LCLAT1: variants seen among roughly 807,000 people sequenced by gnomAD.
The protein encoded by LCLAT1 is 1-AGP acyltransferase 8.
Under a neutral mutation model 30.7 loss-of-function variants are expected in LCLAT1, and 11 were observed. The ratio of observed to expected loss-of-function variants is 0.36; its 90% CI spans 0.23 to 0.59. The LOEUF is 0.59. Ranked by LOEUF, LCLAT1 falls within the 20% of genes least tolerant of loss-of-function variation. The probability of loss-of-function intolerance (pLI) is 0.77; values close to 1 mark genes in which losing one functional copy is unlikely to be tolerated. For synonymous variants in LCLAT1, 155 were observed against 151.3 expected, an observed-to-expected ratio of 1.02 and a Z score of -0.18; for missense variants, 402 against 458.6, an observed-to-expected ratio of 0.88 and a Z score of 1.13.
chr2:30,620,246 C>A (rs1285959406), intron 5 of LCLAT1, among the ~76,000 whole-genome samples: 1 of 152,120 alleles, frequency 6.6e-6, no homozygotes, highest in Admixed American at 6.5e-5. Context: ...GTGGCCTTTC[C>A]AGCCCCTGTA....
Position 30,562,267 on chromosome 2 carries a change from A to T in LCLAT1, c.486A>T (p.Ile162=), listed in dbSNP as rs769177174. The T allele has an allele frequency of 3.7e-6, 6 of 1,612,138 alleles. No homozygotes were observed. In the South Asian group the frequency reaches 4.4e-5, roughly 12 times the overall value. Reference sequence around the variant, plus strand: ...TTCACGAACCACTTCAACTCCTCATATTCCCAGAAGGGACTGATCTCACAG... The same window carrying T: ...TTCACGAACCACTTCAACTCCTCATTTTCCCAGAAGGGACTGATCTCACAG... The part of the protein sequence containing the change: ...CDIHEPLQLL[I]FPEGTDLTEN... Residue 162 remains isoleucine, a synonymous_variant, in exon 4 of 6, where the codon ATA becomes ATT. Transcript: ENST00000379509.
intron 5 of LCLAT1, among the ~76,000 whole-genome samples, chr2:30,590,281 C>T (rs908365251): frequency 6.6e-6 from 1 of 150,790 alleles, no homozygotes; most frequent in Admixed American, 6.6e-5. Flanking sequence ...ATTTAAACTT[C>T]CATCATTGAC....
intron 1 of LCLAT1, among the ~76,000 whole-genome samples, chr2:30,492,280 T>G (rs895711678): frequency 1.3e-5 from 2 of 152,138 alleles, no homozygotes; most frequent in Non-Finnish European, 2.9e-5. Context: ...GAAGGAGACT[T>G]TTCTGAACTG....
At chr2:30,528,954 C>T (rs1298415708) in intron 2 of LCLAT1, among the ~76,000 whole-genome samples, 2 of 152,076 alleles carry the variant, frequency 1.3e-5, no homozygotes, top group Non-Finnish European at 2.9e-5. Flanking sequence ...CAGAGAAGAA[C>T]CATCAAGGGT....
rs1686062202 is a variant in LCLAT1, at chr2:30,533,159, G to A, written c.209G>A (p.Gly70Glu). The A allele has an allele frequency of 6.2e-7, 1 of 1,613,836 alleles. No individual in the cohort carries two copies. Among genetic ancestry groups the A allele is most frequent in the Admixed American group, 1.7e-5 (1 of 59,990 alleles). Residue 70 changes from glycine to glutamate, a missense_variant, in exon 3 of 6, where the codon GGG becomes GAG. Gly to Glu is a moderately conservative substitution (Grantham distance 98). Coordinates refer to ENST00000379509, the MANE Select transcript of LCLAT1 (RefSeq NM_001002257.3). ...TMFGVKVIIT[G>E]DAFVPGERSV... ...TTTGGTGTAAAAGTGATTATAACTG[G>A]GGATGCATTTGTTCCTGGAGAAAGA...
chr2:30,604,650 G>GAC (rs1667343907), intron 5 of LCLAT1, among the ~76,000 whole-genome samples: 1 of 114,348 alleles, frequency 8.7e-6, no homozygotes. Flanking sequence ...GACAGAGTGA[G>GAC]ACTCCGTCTC....
At chr2:30,536,959 T>C (rs891556497) in intron 3 of LCLAT1, among the ~76,000 whole-genome samples, 1 of 152,230 alleles carries the variant, frequency 6.6e-6, no homozygotes, top group Non-Finnish European at 1.5e-5. Context: ...CCCAACTATA[T>C]GCTGCCTGCA....
intron 5 of LCLAT1, among the ~76,000 whole-genome samples, chr2:30,638,907 G>A (rs1049732425): frequency 3.4e-5 from 4 of 118,584 alleles, no homozygotes; most frequent in South Asian, 4.6e-4. Context: ...TGGCCCCTAC[G>A]TCCTCTCCAT....
chr2:30,496,497 G>C (rs907334311), intron 1 of LCLAT1, among the ~76,000 whole-genome samples: 3 of 152,206 alleles, frequency 2.0e-5, no homozygotes, highest in African/African-American at 7.2e-5. Flanking sequence ...AGTAGGCTCA[G>C]AGATATCTCC....
chr2:30,567,914 G>T, intron 4 of LCLAT1, 146 bp from the exon 5 acceptor site: 1 of 514,322 alleles, frequency 1.9e-6, no homozygotes. Flanking sequence ...CATCTGCAAT[G>T]TTTGTATCTT....
At chr2:30,542,495 A>C (rs1405644374) in intron 3 of LCLAT1, among the ~76,000 whole-genome samples, 1 of 152,146 alleles carries the variant, frequency 6.6e-6, no homozygotes, top group Non-Finnish European at 1.5e-5. Flanking sequence ...GTGTTATTTC[A>C]TCAATGTCAC....
At chr2:30,638,023 T>A (rs1398727512) in intron 5 of LCLAT1, among the ~76,000 whole-genome samples, 1 of 152,236 alleles carries the variant, frequency 6.6e-6, no homozygotes, top group Non-Finnish European at 1.5e-5. Context: ...GGCTGTCATT[T>A]CAACTTTGAA....
chr2:30,474,337 G>A (rs1281285663), intron 1 of LCLAT1, among the ~76,000 whole-genome samples: 1 of 152,230 alleles, frequency 6.6e-6, no homozygotes, highest in Non-Finnish European at 1.5e-5. Flanking sequence ...CTGATAAAGT[G>A]TAGAGGTGTG....
At chr2:30,576,600 A>T (rs936717899) in intron 5 of LCLAT1, among the ~76,000 whole-genome samples, 3 of 152,144 alleles carry the variant, frequency 2.0e-5, no homozygotes, top group African/African-American at 7.2e-5. Flanking sequence ...TGGACCTTTG[A>T]ATCCAGAAAT....
chr2:30,492,320 G>A (rs116744353), intron 1 of LCLAT1, among the ~76,000 whole-genome samples: 1 of 152,192 alleles, frequency 6.6e-6, no homozygotes, highest in Non-Finnish European at 1.5e-5. Context: ...TGTAGGAGGA[G>A]AGAACTGAGC....
intron 5 of LCLAT1, among the ~76,000 whole-genome samples, chr2:30,584,684 A>T (rs1666349643): frequency 6.6e-6 from 1 of 152,200 alleles, no homozygotes; most frequent in South Asian, 2.1e-4. Flanking sequence ...CTTAGCAAAA[A>T]ATGTTCTATG....
intron 5 of LCLAT1, among the ~76,000 whole-genome samples, chr2:30,631,899 G>T (rs1668786009): frequency 6.6e-6 from 1 of 152,134 alleles, no homozygotes; most frequent in African/African-American, 2.4e-5. Flanking sequence ...CTCAGCAAGT[G>T]CATACTGTTA....
At chr2:30,458,064 C>T (rs2148267069) in intron 1 of LCLAT1, among the ~76,000 whole-genome samples, 1 of 151,574 alleles carries the variant, frequency 6.6e-6, no homozygotes, top group African/African-American at 2.4e-5. Flanking sequence ...AAAGAGGCAA[C>T]TTTTCACTTG....
intron 1 of LCLAT1, among the ~76,000 whole-genome samples, chr2:30,509,907 A>G (rs1464391830): frequency 2.6e-5 from 4 of 152,186 alleles, no homozygotes; most frequent in Non-Finnish European, 5.9e-5. Context: ...TCATCAGCTG[A>G]TGTGGAAGCC....
Sources: allele counts gnomAD v4.1 joint callset (sites outside exome capture counted in the v4.1 genomes callset), GRCh38; gene constraint gnomAD v4.1.1; transcripts MANE v1.5; gene names NCBI Gene and HGNC (gene_info 2026-07-23, HGNC 2026-07-21).